Variants in LPP observed in about 807,000 individuals in gnomAD.
The protein encoded by LPP is LIM domain containing preferred translocation partner in lipoma, also known as lipoma-preferred partner.
Under a neutral mutation model 60.4 loss-of-function variants are expected in LPP, and 38 were observed. That is an observed-to-expected ratio of 0.63 (90% CI 0.49 to 0.83). The LOEUF (loss-of-function observed/expected upper bound fraction) is 0.83. Among genes scored for constraint, LPP ranks in the 40% least tolerant of loss-of-function variants. The pLI is 0.00. For synonymous variants in LPP, 328 were observed against 290.8 expected (o/e 1.13, Z -1.30); for missense variants, 902 against 783.6 (o/e 1.15, Z -1.80).
intron 1 of LPP, among the ~76,000 whole-genome samples, chr3:188,164,343 T>TA (rs1183801064): frequency 6.6e-6 from 1 of 152,168 alleles, no homozygotes; most frequent in Non-Finnish European, 1.5e-5. Context: ...TAATGATCTC[T>TA]AGCTGTAACC....
At chr3:188,712,897 A>T (rs1037985313) in intron 8 of LPP, 8 of 150,942 alleles carry the variant, frequency 5.3e-5, no homozygotes, top group Non-Finnish European at 1.2e-4. Flanking sequence ...TTTTTTTTTC[A>T]TAAGTAGAAT....
chr3:188,480,257 A>G lies in LPP; in HGVS notation c.194-4335A>G, dbSNP rs745354834. ...AGTAAGTAGTGTTTGGGAATCAGAG[A>G]TGGAATACTTGATTTGTCCAACTCC... On this transcript the variant is annotated intron_variant, in intron 4 of 11. Coordinates refer to ENST00000617246, the MANE Select transcript of LPP (RefSeq NM_001375462.1). Among the ~76,000 whole-genome samples the G allele has an allele frequency of 7.2e-4, 109 of 152,200 alleles. 2 individuals are homozygous for G. Among genetic ancestry groups the G allele is most frequent in the Non-Finnish European group, 2.1e-4 (14 of 68,036 alleles).
chr3:188,700,984 A>G (rs952376214), intron 7 of LPP, among the ~76,000 whole-genome samples: 1 of 152,242 alleles, frequency 6.6e-6, no homozygotes, highest in African/African-American at 2.4e-5. Flanking sequence ...GAAAATGGAA[A>G]TGATTTGAGC....
At chr3:188,693,464 A>T (rs2149493440) in intron 7 of LPP, among the ~76,000 whole-genome samples, 1 of 152,306 alleles carries the variant, frequency 6.6e-6, no homozygotes, top group East Asian at 1.9e-4. Flanking sequence ...TTTCTCTCTG[A>T]AAGGCATGTT....
chr3:188,874,684 G>A lies in LPP; in HGVS notation c.*205G>A. 1 of 548,030 alleles carries A rather than the reference G, an allele frequency of 1.8e-6. No individual in the cohort carries two copies. Among genetic ancestry groups the A allele is most frequent in the South Asian group, 3.0e-5 (1 of 32,842 alleles). The allele number at this position is 548,030 out of a possible 1,614,324, so 33.9% of individuals were successfully genotyped here. On this transcript the variant is annotated 3_prime_UTR_variant, in exon 12 of 12. Coordinates refer to ENST00000617246, the MANE Select transcript of LPP (RefSeq NM_001375462.1). ...ACATTGAATCATGTAGGATCTTGAT[G>A]GGCCTTTGTTCCCAAGGACTTCCAC...
intron 9 of LPP, among the ~76,000 whole-genome samples, chr3:188,797,698 T>A (rs1188920852): frequency 1.3e-5 from 2 of 152,200 alleles, no homozygotes; most frequent in Non-Finnish European, 2.9e-5. Context: ...CTCTGAAGAT[T>A]CCCTTTGCTC....
intron 4 of LPP, among the ~76,000 whole-genome samples, chr3:188,421,667 T>A (rs1311446799): frequency 6.6e-6 from 1 of 152,190 alleles, no homozygotes; most frequent in Non-Finnish European, 1.5e-5. Flanking sequence ...GCTGTTTCAT[T>A]TGTGGTGGCT....
intron 2 of LPP, among the ~76,000 whole-genome samples, chr3:188,280,759 G>A (rs73888213): frequency 0.028 from 4,286 of 152,108 alleles, 205 homozygotes; most frequent in African/African-American, 0.099. Context: ...GGATTAACAC[G>A]ATGACACAGA....
chr3:188,431,646 G>T (rs1168394417), intron 4 of LPP, among the ~76,000 whole-genome samples: 1 of 152,068 alleles, frequency 6.6e-6, no homozygotes, highest in African/African-American at 2.4e-5. Flanking sequence ...TGGAGGGAAG[G>T]GTGAATGGAA....
At chr3:188,297,324 G>C (rs1246692007) in intron 2 of LPP, among the ~76,000 whole-genome samples, 1 of 152,160 alleles carries the variant, frequency 6.6e-6, no homozygotes, top group Admixed American at 6.5e-5. Flanking sequence ...GTAAATTTCA[G>C]ACTCCTTCCC....
rs113852021 is a variant in LPP, at chr3:188,767,704, G to T, written c.1410+7422G>T. On this transcript the variant is annotated intron_variant, in intron 9 of 11. Coordinates refer to ENST00000617246, the MANE Select transcript of LPP (RefSeq NM_001375462.1). ...ACAAGAAATGAATAAATACATAAGC[G>T]CACTCTTGGGTTAAGGAATCTTAGA... Among the ~76,000 whole-genome samples, 1,220 of 152,150 alleles carry T rather than the reference G, an allele frequency of 8.0e-3. 15 individuals carry two copies. The highest frequency in any genetic ancestry group is 0.027 in the African/African-American group (1,112 of 41,526).
At chr3:188,752,954 T>C (rs2150343001) in intron 8 of LPP, among the ~76,000 whole-genome samples, 1 of 152,302 alleles carries the variant, frequency 6.6e-6, no homozygotes, top group Non-Finnish European at 1.5e-5. Context: ...CCCCTGAGGC[T>C]TGTGGGGATG....
chr3:188,277,188 G>C (rs1023206226), intron 2 of LPP, among the ~76,000 whole-genome samples: 14 of 152,104 alleles, frequency 9.2e-5, no homozygotes, highest in Non-Finnish European at 1.9e-4. Flanking sequence ...ACAGGCATGA[G>C]CCACCTCACC....
At chr3:188,644,648 G>C (rs1180631311) in intron 7 of LPP, among the ~76,000 whole-genome samples, 4 of 152,126 alleles carry the variant, frequency 2.6e-5, no homozygotes, top group African/African-American at 9.7e-5. Flanking sequence ...ATAAAATTGT[G>C]TGATTGAGCA....
chr3:188,242,126 A>G (rs1017864569), intron 2 of LPP, among the ~76,000 whole-genome samples: 4 of 152,182 alleles, frequency 2.6e-5, no homozygotes, highest in African/African-American at 7.2e-5. Flanking sequence ...GTAATGTTTA[A>G]GGAATCCACT....
intron 6 of LPP, among the ~76,000 whole-genome samples, chr3:188,578,463 T>TG (rs1405733358): frequency 6.6e-6 from 1 of 152,214 alleles, no homozygotes; most frequent in African/African-American, 2.4e-5. Flanking sequence ...TTTCATTTTA[T>TG]AATACTGTCT....
chr3:188,292,508 G>A (rs2150057475), intron 2 of LPP, among the ~76,000 whole-genome samples: 1 of 152,284 alleles, frequency 6.6e-6, no homozygotes, highest in Middle Eastern at 3.4e-3. Flanking sequence ...CAAGAGGGAT[G>A]GAATATGCTC....
chr3:188,702,863 CA>C (rs1864757061), intron 7 of LPP, among the ~76,000 whole-genome samples: 1 of 152,112 alleles, frequency 6.6e-6, no homozygotes, highest in South Asian at 2.1e-4. Flanking sequence ...CAAACAGCCG[CA>C]CAGTAAGAGA....
intron 2 of LPP, among the ~76,000 whole-genome samples, chr3:188,237,471 C>CTA (rs1722331050): frequency 6.6e-6 from 1 of 152,198 alleles, no homozygotes; most frequent in African/African-American, 2.4e-5. Context: ...GAATCATTAT[C>CTA]TATGGCAGCT....
Sources: gnomAD v4.1 joint callset for allele counts (sites outside exome capture counted in the v4.1 genomes callset) on GRCh38, gnomAD v4.1.1 for gene constraint, MANE v1.5 for transcripts, NCBI Gene and HGNC (gene_info 2026-07-23, HGNC 2026-07-21) for gene names.